The following PDE4D variants were observed in gnomAD, a reference collection of about 807,000 sequenced individuals.
PDE4D encodes 3',5'-cyclic-AMP phosphodiesterase 4D.
PDE4D carries 24 observed loss-of-function variants against 87.4 expected under a neutral mutation model. The ratio of observed to expected loss-of-function variants is 0.27; its 90% CI spans 0.20 to 0.39. The LOEUF is 0.39. PDE4D is among the 10% of genes least tolerant of loss of function. The pLI is 1.00. For synonymous variants in PDE4D, 384 were observed against 383.2 expected, an observed-to-expected ratio of 1.00 and a Z score of -0.02; for missense variants, 714 against 1,041.0, an observed-to-expected ratio of 0.69 and a Z score of 4.32.
chr5:59,454,625 G>A (rs978180197), intron 1 of PDE4D, among the ~76,000 whole-genome samples: 25 of 152,148 alleles, frequency 1.6e-4, no homozygotes, highest in Admixed American at 4.6e-4. Flanking sequence ...GTGCAGTGCC[G>A]AAAAGATACC....
At chr5:60,520,368 G>A (rs1045215912) in intron 1 of PDE4D, among the ~76,000 whole-genome samples, 5 of 152,148 alleles carry the variant, frequency 3.3e-5, no homozygotes, top group African/African-American at 4.8e-5. Flanking sequence ...AGCCAGAGTC[G>A]GATTTTCCTT....
chr5:59,941,528 TC>T (rs1757181538), intron 3 of PDE4D, among the ~76,000 whole-genome samples: 1 of 152,088 alleles, frequency 6.6e-6, no homozygotes, highest in African/African-American at 2.4e-5. Flanking sequence ...TTGAGCGCAC[TC>T]TAAGGCTTGA....
At chr5:60,155,357 T>C (rs890393869) in intron 2 of PDE4D, among the ~76,000 whole-genome samples, 15 of 152,212 alleles carry the variant, frequency 9.9e-5, no homozygotes, top group Non-Finnish European at 2.9e-5. Context: ...CCCCTTTTTA[T>C]ATGCTTATTG....
At chr5:59,225,321 TGA>T (rs766512084) in intron 1 of PDE4D, among the ~76,000 whole-genome samples, 1 of 152,222 alleles carries the variant, frequency 6.6e-6, no homozygotes, top group Non-Finnish European at 1.5e-5. Context: ...TGTGTATGTG[TGA>T]GTTTATTTCT....
intron 2 of PDE4D, among the ~76,000 whole-genome samples, chr5:60,050,590 T>C (rs190947293): frequency 3.9e-4 from 59 of 152,256 alleles, no homozygotes; most frequent in Admixed American, 5.9e-4. Context: ...CATACCAAAC[T>C]GTAAAGACCA....
At chr5:59,172,036 TTATATATATAATATATATATATTA>T (rs1308597431) in intron 5 of PDE4D, among the ~76,000 whole-genome samples, 160 of 4,052 alleles carry the variant, frequency 0.039, 14 homozygotes, top group East Asian at 0.14. Flanking sequence ...TAAATATATA[TTATATATATAATATATATATATTA>T]TATATATAAT....
At chr5:59,054,410 G>A (rs2153406775) in intron 5 of PDE4D, among the ~76,000 whole-genome samples, 1 of 152,096 alleles carries the variant, frequency 6.6e-6, no homozygotes, top group South Asian at 2.1e-4. Context: ...TGTGGATGCT[G>A]GCTTTCAGTA....
intron 1 of PDE4D, among the ~76,000 whole-genome samples, chr5:59,578,818 G>A (rs1256721347): frequency 1.3e-5 from 2 of 151,980 alleles, no homozygotes; most frequent in African/African-American, 4.8e-5. Flanking sequence ...ATCCCAGAGG[G>A]TGTCATGTCC....
chr5:60,422,557 A>T (rs530779479), intron 1 of PDE4D, among the ~76,000 whole-genome samples: 2 of 152,212 alleles, frequency 1.3e-5, no homozygotes, highest in Non-Finnish European at 2.9e-5. Flanking sequence ...CTAAACATGG[A>T]AAGGAACAAC....
chr5:59,268,005 G>C (rs144516799), intron 1 of PDE4D, among the ~76,000 whole-genome samples: 1 of 152,032 alleles, frequency 6.6e-6, no homozygotes, highest in East Asian at 1.9e-4. Flanking sequence ...ATTAAACAGG[G>C]TAGGGTGCTA....
At chr5:60,107,138 A>C (rs1370010910) in intron 2 of PDE4D, among the ~76,000 whole-genome samples, 1 of 152,236 alleles carries the variant, frequency 6.6e-6, no homozygotes, top group Non-Finnish European at 1.5e-5. Flanking sequence ...AAAAGAGAGA[A>C]GAATCAAATA....
chr5:59,695,570 G>C (rs1751649577), intron 1 of PDE4D, among the ~76,000 whole-genome samples: 1 of 152,098 alleles, frequency 6.6e-6, no homozygotes, highest in Non-Finnish European at 1.5e-5. Flanking sequence ...ACACAGACTG[G>C]TGACATATTC....
chr5:59,311,206 C>G (rs1014016759), intron 1 of PDE4D, among the ~76,000 whole-genome samples: 5 of 152,016 alleles, frequency 3.3e-5, no homozygotes, highest in Admixed American at 2.6e-4. Context: ...ACTCACTACT[C>G]TGATCCAAGG....
intron 1 of PDE4D, among the ~76,000 whole-genome samples, chr5:59,390,122 A>G (rs1237054956): frequency 6.6e-6 from 1 of 152,106 alleles, no homozygotes; most frequent in Non-Finnish European, 1.5e-5. Flanking sequence ...ATGTATAATT[A>G]TTATGCATCA....
chr5:60,112,028 T>C (rs1425267083), intron 2 of PDE4D, among the ~76,000 whole-genome samples: 2 of 152,030 alleles, frequency 1.3e-5, no homozygotes, highest in Non-Finnish European at 2.9e-5. Flanking sequence ...ATCGATTATA[T>C]GGCTTTTAAA....
chr5:60,220,871 T>C (rs1177348566), intron 1 of PDE4D, among the ~76,000 whole-genome samples: 1 of 152,098 alleles, frequency 6.6e-6, no homozygotes, highest in East Asian at 1.9e-4. Context: ...GGTAAATGTG[T>C]ATAATAATTT....
chr5:59,783,080 G>A (rs1211294619), intron 1 of PDE4D, among the ~76,000 whole-genome samples: 1 of 152,142 alleles, frequency 6.6e-6, no homozygotes, highest in African/African-American at 2.4e-5. Flanking sequence ...GGAGATTCTA[G>A]AAACAATGTC....
chr5:60,103,916 C>T (rs1254940110), intron 2 of PDE4D, among the ~76,000 whole-genome samples: 1 of 152,142 alleles, frequency 6.6e-6, no homozygotes, highest in African/African-American at 2.4e-5. Flanking sequence ...CAGTCTACAG[C>T]TCCCAGCATG....
chr5:59,387,155 C>T (rs1045070387), intron 1 of PDE4D, among the ~76,000 whole-genome samples: 3 of 152,192 alleles, frequency 2.0e-5, no homozygotes, highest in African/African-American at 7.2e-5. Flanking sequence ...GAGCACCCAA[C>T]CCCATTACTC....
Sources: allele counts gnomAD v4.1 joint callset (sites outside exome capture counted in the v4.1 genomes callset), GRCh38; gene constraint gnomAD v4.1.1; transcripts MANE v1.5; gene names NCBI Gene and HGNC (gene_info 2026-07-23, HGNC 2026-07-21).